Variants in CPXM2 observed in about 807,000 individuals in gnomAD.
CPXM2 encodes the protein carboxypeptidase X, M14 family member 2.
Under a neutral mutation model 86.1 loss-of-function variants are expected in CPXM2, and 66 were observed. The ratio of observed to expected loss-of-function variants is 0.77; its 90% confidence interval spans 0.63 to 0.94. CPXM2 has a LOEUF of 0.94. Ranked by LOEUF, CPXM2 falls within the 40% of genes least tolerant of loss-of-function variation. The pLI is 0.00. For synonymous variants in CPXM2, 388 were observed against 400.2 expected (o/e 0.97, Z 0.36); for missense variants, 948 against 1,026.3 (o/e 0.92, Z 1.04).
At chr10:123,767,991 G>C (rs761662410) in intron 9 of CPXM2, among the ~76,000 whole-genome samples, 3 of 152,156 alleles carry the variant, frequency 2.0e-5, no homozygotes, top group Non-Finnish European at 4.4e-5. Flanking sequence ...TCCTCCAGTT[G>C]GTCGGCATGT....
At chr10:123,829,846 TA>T (rs1396318178) in intron 4 of CPXM2, among the ~76,000 whole-genome samples, 3 of 150,426 alleles carry the variant, frequency 2.0e-5, no homozygotes. Flanking sequence ...AACCCAAAAG[TA>T]AACCCCACAA....
At chr10:123,857,568 GGCGGC>G (rs780622891) in intron 3 of CPXM2, among the ~76,000 whole-genome samples, 18 of 139,516 alleles carry the variant, frequency 1.3e-4, no homozygotes, top group Non-Finnish European at 2.1e-4. Flanking sequence ...GGAGATGGAA[GGCGGC>G]GTGGAGATGG....
intron 2 of CPXM2, among the ~76,000 whole-genome samples, chr10:123,930,004 G>C (rs932776889): frequency 6.6e-6 from 1 of 152,188 alleles, no homozygotes; most frequent in Non-Finnish European, 1.5e-5. Context: ...TGCTGTGGGC[G>C]TGGCTGCCCA....
intron 4 of CPXM2, among the ~76,000 whole-genome samples, chr10:123,842,074 G>A (rs538846270): frequency 1.4e-4 from 22 of 152,310 alleles, no homozygotes; most frequent in African/African-American, 4.1e-4. Context: ...TAAACCGCCT[G>A]GATTTCACTG....
At chr10:123,808,359 AAACAACAAC>A (rs57892592) in intron 4 of CPXM2, among the ~76,000 whole-genome samples, 5 of 150,290 alleles carry the variant, frequency 3.3e-5, no homozygotes, top group South Asian at 2.1e-4. Context: ...GGGCAAACAA[AAACAACAAC>A]AACAACAACA....
At position 123,780,267 on chromosome 10, in the gene CPXM2, A is replaced by G. The variant is rs1342045522; in HGVS notation, c.890-12T>C. ...ATAATTATTAGGATCTAGGGACAGA[A>G]ACATGATTTTGCATTTACTCCCATC... On this transcript the variant is annotated splice_polypyrimidine_tract_variant and intron_variant, in intron 6 of 13. Transcript: ENST00000241305. 13 of 1,557,432 alleles carry G rather than the reference A, an allele frequency of 8.3e-6. No homozygotes were observed. In the Admixed American group the frequency reaches 2.0e-4, roughly 24 times the overall value.
At chr10:123,926,795 CAG>C (rs950795118) in intron 2 of CPXM2, among the ~76,000 whole-genome samples, 65 of 152,326 alleles carry the variant, frequency 4.3e-4, no homozygotes, top group African/African-American at 1.5e-3. Context: ...GAAGACAAGA[CAG>C]GGGAATCCCC....
At chr10:123,858,808 A>T (rs1402162116) in intron 3 of CPXM2, among the ~76,000 whole-genome samples, 1 of 152,234 alleles carries the variant, frequency 6.6e-6, no homozygotes, top group Non-Finnish European at 1.5e-5. Context: ...CCTGTCACAT[A>T]GCAGGCACCT....
At chr10:123,867,764 C>G (rs533628961) in intron 2 of CPXM2, among the ~76,000 whole-genome samples, 29 of 152,292 alleles carry the variant, frequency 1.9e-4, no homozygotes, top group African/African-American at 6.7e-4. Context: ...AACTCCTGAC[C>G]TCAGGTGATC....
intron 9 of CPXM2, 55 bp from the exon 10 acceptor site, chr10:123,767,207 T>G (rs1846500475): frequency 1.3e-6 from 2 of 1,514,268 alleles, no homozygotes; most frequent in Non-Finnish European, 1.8e-6. Flanking sequence ...ACGCGGACCC[T>G]CTACCATACA....
intron 13 of CPXM2, chr10:123,750,834 G>A (rs1020943159): frequency 2.7e-5 from 27 of 985,316 alleles, no homozygotes; most frequent in Non-Finnish European, 3.0e-5. Flanking sequence ...TCATTGGCCT[G>A]GCAGGGCACG....
chr10:123,889,745 C>T (rs1945236499), intron 1 of CPXM2, among the ~76,000 whole-genome samples: 1 of 152,128 alleles, frequency 6.6e-6, no homozygotes, highest in South Asian at 2.1e-4. Context: ...TTCCAGATCC[C>T]CAAGTTGATG....
At chr10:123,840,891 T>C (rs1482875401) in intron 4 of CPXM2, among the ~76,000 whole-genome samples, 2 of 152,260 alleles carry the variant, frequency 1.3e-5, no homozygotes, top group Admixed American at 6.5e-5. Context: ...TTTATTAATG[T>C]CGACCTTCCA....
At chr10:123,757,387 A>G (rs758966088) in intron 11 of CPXM2, 35 bp from the exon 12 acceptor site, 2 of 1,587,740 alleles carry the variant, frequency 1.3e-6, no homozygotes, top group Non-Finnish European at 8.6e-7. Context: ...TTAACTGAAC[A>G]ATACTCAAAA....
intron 2 of CPXM2, among the ~76,000 whole-genome samples, chr10:123,931,791 G>A (rs1266863453): frequency 6.6e-6 from 1 of 152,176 alleles, no homozygotes; most frequent in Non-Finnish European, 1.5e-5. Context: ...TAAAATGGGA[G>A]AGTAAACCAC....
At chr10:123,797,868 A>G (rs1847367793) in intron 6 of CPXM2, 108 bp downstream of exon 6, 1 of 1,102,954 alleles carries the variant, frequency 9.1e-7, no homozygotes, top group Non-Finnish European at 1.2e-6. Context: ...GATTACAGGC[A>G]TGAGCTACTG....
At chr10:123,839,533 T>C (rs1848342865) in intron 4 of CPXM2, among the ~76,000 whole-genome samples, 1 of 152,080 alleles carries the variant, frequency 6.6e-6, no homozygotes, top group South Asian at 2.1e-4. Context: ...TGCCAAGACA[T>C]GGATCTGCCA....
rs538581521 is a variant in CPXM2, at chr10:123,749,462, C to A, written c.2018-2445G>T. ...AAGCCCTCCCTGCCCCCTCCCTAGT[C>A]CACCCTCTGTGCTGTCGCTGGCCTT... On this transcript the variant is annotated intron_variant, in intron 13 of 13. Transcript: ENST00000241305. Among the ~76,000 whole-genome samples the A allele has an allele frequency of 2.6e-5, 4 of 152,362 alleles. No homozygotes were observed. In the East Asian group the frequency reaches 7.7e-4, roughly 29 times the overall value.
intron 2 of CPXM2, among the ~76,000 whole-genome samples, chr10:123,875,376 T>C (rs1018782192): frequency 5.3e-5 from 8 of 152,320 alleles, no homozygotes; most frequent in Non-Finnish European, 7.3e-5. Flanking sequence ...GTCCCAGTTC[T>C]GGCCCCTCAC....
Sources: allele counts gnomAD v4.1 joint callset (sites outside exome capture counted in the v4.1 genomes callset), GRCh38; gene constraint gnomAD v4.1.1; transcripts MANE v1.5; gene names NCBI Gene and HGNC (gene_info 2026-07-23, HGNC 2026-07-21).